Variants in MAP3K5 observed in about 807,000 individuals in gnomAD.
MAP3K5 encodes the protein mitogen-activated protein kinase kinase kinase 5, also known as ASK-1.
In MAP3K5, 56 loss-of-function variants were observed where a neutral mutation model predicts 158.7. The observed-to-expected ratio is 0.35, with a 90% CI of 0.28 to 0.44. MAP3K5 has a LOEUF of 0.44. MAP3K5 is among the 20% of genes least tolerant of loss of function. The pLI is 1.00. For synonymous variants in MAP3K5, 579 were observed against 601.7 expected (o/e 0.96, Z 0.55); for missense variants, 1,294 against 1,674.8 (o/e 0.77, Z 3.97).
chr6:136,667,087 T>C (rs553856674), intron 8 of MAP3K5, among the ~76,000 whole-genome samples: 2 of 152,330 alleles, frequency 1.3e-5, no homozygotes, highest in South Asian at 2.1e-4. Context: ...TTTCAAACCA[T>C]TGTCATTGCT....
chr6:136,592,720 C>G, intron 21 of MAP3K5, 106 bp from the exon 22 acceptor site: 2 of 935,966 alleles, frequency 2.1e-6, no homozygotes, highest in Non-Finnish European at 3.4e-6. Context: ...TATCTTGTTG[C>G]AATGAGCAGC....
chr6:136,680,882 A>G (rs906006436), intron 7 of MAP3K5, among the ~76,000 whole-genome samples: 8 of 152,030 alleles, frequency 5.3e-5, no homozygotes, highest in African/African-American at 1.9e-4. Context: ...AGAGCTCTGC[A>G]GGGGAGGAAG....
chr6:136,767,680 A>C (rs1784021813), intron 1 of MAP3K5, among the ~76,000 whole-genome samples: 1 of 152,208 alleles, frequency 6.6e-6, no homozygotes, highest in Admixed American at 6.5e-5. Flanking sequence ...TTTTTGCAGA[A>C]ATTAACAAGC....
At chr6:136,662,810 C>G (rs1779063620) in intron 8 of MAP3K5, among the ~76,000 whole-genome samples, 1 of 152,104 alleles carries the variant, frequency 6.6e-6, no homozygotes, top group Non-Finnish European at 1.5e-5. Flanking sequence ...ATATTTTTCT[C>G]TATTTAAAAA....
At chr6:136,592,786 C>A (rs766554916) in intron 21 of MAP3K5, 172 bp from the exon 22 acceptor site, 2 of 704,154 alleles carry the variant, frequency 2.8e-6, no homozygotes, top group East Asian at 2.8e-5. Context: ...CCTTGCTCAG[C>A]ATAACCCATA....
chr6:136,581,442 T>TA (rs561521751), intron 24 of MAP3K5, among the ~76,000 whole-genome samples: 2 of 152,164 alleles, frequency 1.3e-5, no homozygotes, highest in South Asian at 4.1e-4. Flanking sequence ...CACAGACCTC[T>TA]AAAAAAAGAG....
At position 136,609,760 on chromosome 6, in the gene MAP3K5, A is replaced by C. The variant is rs1437368543; in HGVS notation, c.2521+1522T>G. 6.6e-6 allele frequency among the ~76,000 whole-genome samples: 1 copy of C among 151,810 alleles called. No individual in the cohort carries two copies. Among genetic ancestry groups the C allele is most frequent in the Non-Finnish European group, 1.5e-5 (1 of 67,974 alleles). ...CAGTGAGCAGAGATTACACCACTGT[A>C]CTTCAGCCTGGGTTACAGAGCGAGA... On this transcript the variant is annotated intron_variant, in intron 18 of 29. Transcript: ENST00000359015. The surrounding 1 kb of genome is among the most constrained non-coding windows in gnomAD (Gnocchi z 4.4).
intron 25 of MAP3K5, among the ~76,000 whole-genome samples, chr6:136,570,485 T>A (rs889031663): frequency 1.3e-5 from 2 of 152,184 alleles, no homozygotes; most frequent in African/African-American, 4.8e-5. Context: ...TCCTGTAACA[T>A]CTAGAACATC....
chr6:136,771,600 T>C (rs894148432), intron 1 of MAP3K5, among the ~76,000 whole-genome samples: 1 of 152,186 alleles, frequency 6.6e-6, no homozygotes, highest in Non-Finnish European at 1.5e-5. Flanking sequence ...TAAATATGAC[T>C]GCAAAGCTGC....
chr6:136,640,502 C>G (rs1223974294), intron 12 of MAP3K5, among the ~76,000 whole-genome samples: 1 of 152,166 alleles, frequency 6.6e-6, no homozygotes, highest in African/African-American at 2.4e-5. Context: ...ATTTAAGGCC[C>G]AGCTTAGACC....
intron 28 of MAP3K5, among the ~76,000 whole-genome samples, chr6:136,560,231 A>G (rs1437660816): frequency 6.6e-6 from 1 of 152,188 alleles, no homozygotes; most frequent in Non-Finnish European, 1.5e-5. Flanking sequence ...TTGTAATCTC[A>G]GCACTTTGGG....
chr6:136,639,367 A>C (rs945798316), intron 13 of MAP3K5, among the ~76,000 whole-genome samples, 176 bp downstream of exon 13: 7 of 150,122 alleles, frequency 4.7e-5, no homozygotes, highest in African/African-American at 1.8e-4. Context: ...TATTAAAGAA[A>C]ACCCCCCCCC....
At chr6:136,791,563 C>A (rs1357364323) in intron 1 of MAP3K5, 147 bp downstream of exon 1, 5 of 817,976 alleles carry the variant, frequency 6.1e-6, no homozygotes, top group Non-Finnish European at 1.0e-5. Context: ...CGGCGAGCGA[C>A]AGGAGCAGTC....
intron 26 of MAP3K5, 99 bp downstream of exon 26, chr6:136,567,532 A>G: frequency 2.4e-6 from 3 of 1,254,758 alleles, no homozygotes; most frequent in African/African-American, 1.5e-5. Context: ...TCAAGTTTCC[A>G]TGAATGGGAT....
intron 21 of MAP3K5, 33 bp downstream of exon 21, chr6:136,600,989 T>TCA: frequency 1.2e-6 from 2 of 1,612,674 alleles, no homozygotes; most frequent in Non-Finnish European, 1.7e-6. Context: ...ACACCAGGTC[T>TCA]CAGCTCAATG....
At chr6:136,610,359 AC>A (rs1467063154) in intron 18 of MAP3K5, among the ~76,000 whole-genome samples, 2 of 152,230 alleles carry the variant, frequency 1.3e-5, no homozygotes, top group South Asian at 2.1e-4. Context: ...AGTACTTTGC[AC>A]CAGAGGCAGC....
chr6:136,603,358 A>G (rs1441264691), intron 19 of MAP3K5, among the ~76,000 whole-genome samples: 1 of 129,170 alleles, frequency 7.7e-6, no homozygotes, highest in African/African-American at 3.0e-5. Context: ...TTTTTTTTTT[A>G]GTAGAGATGA....
At chr6:136,579,897 A>T (rs1774793466) in intron 25 of MAP3K5, 1 of 456,816 alleles carries the variant, frequency 2.2e-6, no homozygotes, top group African/African-American at 2.0e-5. Flanking sequence ...TTTAAAGACA[A>T]TTAAATTGCT....
intron 11 of MAP3K5, among the ~76,000 whole-genome samples, chr6:136,647,008 C>G (rs544701434): frequency 6.6e-6 from 1 of 152,204 alleles, no homozygotes; most frequent in African/African-American, 2.4e-5. Flanking sequence ...AGTCACCTTA[C>G]ACTTACTCCC....
Sources: allele counts gnomAD v4.1 joint callset (sites outside exome capture counted in the v4.1 genomes callset), GRCh38; gene constraint gnomAD v4.1.1; non-coding constraint Gnocchi (gnomAD v3.1); transcripts MANE v1.5; gene names NCBI Gene and HGNC (gene_info 2026-07-23, HGNC 2026-07-21).